JHY: variants seen among roughly 807,000 people sequenced by gnomAD.
JHY encodes the protein junctional cadherin complex regulator, also known as jhy protein homolog.
JHY carries 69 observed loss-of-function variants against 78.0 expected under a neutral mutation model. The ratio of observed to expected loss-of-function variants is 0.88; its 90% CI spans 0.73 to 1.08. The LOEUF is 1.08. JHY is among the 50% of genes least tolerant of loss of function. JHY has a pLI of 0.00. For missense variants in JHY, 944 were observed against 927.8 expected (o/e 1.02, Z -0.23); for synonymous variants, 368 against 342.6 (o/e 1.07, Z -0.82).
chr11:122,919,075 A>G (rs1274082105), intron 3 of JHY, among the ~76,000 whole-genome samples: 1 of 152,108 alleles, frequency 6.6e-6, no homozygotes, highest in East Asian at 1.9e-4. Flanking sequence ...GAAGTGGGCC[A>G]GGCACAGTGG....
chr11:122,897,971 TG>T (rs1479698299), intron 2 of JHY, among the ~76,000 whole-genome samples: 1 of 152,212 alleles, frequency 6.6e-6, no homozygotes, highest in Non-Finnish European at 1.5e-5. Context: ...ACAGTGGAGT[TG>T]GAATGGACTT....
chr11:122,900,025 C>T (rs534236733), intron 2 of JHY, among the ~76,000 whole-genome samples: 2 of 152,180 alleles, frequency 1.3e-5, no homozygotes, highest in African/African-American at 4.8e-5. Context: ...GAAACCTCCC[C>T]GTCAAAGCCC....
intron 2 of JHY, among the ~76,000 whole-genome samples, chr11:122,902,916 C>G (rs7124187): frequency 0.9 from 137,634 of 152,196 alleles, 62,373 homozygotes; most frequent in Middle Eastern, 0.99. Flanking sequence ...CCATATCATA[C>G]AGTAAATACA....
chr11:122,909,812 G>A (rs1863075309), intron 3 of JHY, among the ~76,000 whole-genome samples: 1 of 151,904 alleles, frequency 6.6e-6, no homozygotes, highest in Non-Finnish European at 1.5e-5. Context: ...ATAAATAAAT[G>A]TATAGAGCGT....
chr11:122,957,408 G>A lies in JHY; in HGVS notation c.2056G>A (p.Glu686Lys). The part of the protein sequence containing the change: ...QQKEYAKQVK[E>K]YNMKTLSILS... ...AAAGGAATATGCAAAACAAGTCAAG[G>A]AGTACAACATGAAGACACTATCCAT... The change falls in exon 8 of 9, where the codon GAG becomes AAG. Residue 686 changes from glutamate to lysine, a missense_variant. Physicochemically the swap from Glu to Lys is moderately conservative, Grantham distance 56. Coordinates refer to ENST00000227349, the MANE Select transcript of JHY (RefSeq NM_024806.4). 1 of 1,534,104 alleles carries A rather than the reference G, an allele frequency of 6.5e-7. No individual in the cohort carries two copies. The highest frequency in any genetic ancestry group is 8.7e-7 in the Non-Finnish European group (1 of 1,153,082).
rs1431562423 is a variant in JHY at position 122,883,239 on chromosome 11, C to A, written c.-90+267C>A. Among the ~76,000 whole-genome samples the A allele has an allele frequency of 6.6e-6, 1 of 152,170 alleles. No homozygotes were observed. The highest frequency in any genetic ancestry group is 2.4e-5 in the African/African-American group (1 of 41,458). ...TAGGACCGGTCCCGGGCACCAGGCC[C>A]GCCGACTTGTCACTTCCTGGACCTC... On this transcript the variant is annotated intron_variant, in intron 1 of 8. Coordinates refer to ENST00000227349, the MANE Select transcript of JHY (RefSeq NM_024806.4). The surrounding 1 kb of genome is among the most constrained non-coding windows in gnomAD (Gnocchi z 4.4).
chr11:122,934,755 C>T lies in JHY; in HGVS notation c.1314C>T (p.Thr438=). ...TTAGAAGCCACAATCTCAAAGAAAC[C>T]TCCAATACATTTGCTCCACCAAAAC... ...RALRSHNLKE[T]SNTFAPPKQA... is the part of the protein sequence containing the mutation. The change falls in exon 5 of 9, where the codon ACC becomes ACT. Residue 438 remains threonine (T), a synonymous_variant. Transcript: ENST00000227349. The T allele has an allele frequency of 1.2e-6, 2 of 1,614,186 alleles. No individual in the cohort carries two copies. The highest frequency in any genetic ancestry group is 1.7e-6 in the Non-Finnish European group (2 of 1,180,032).
At chr11:122,949,594 C>T (rs1312602501) in intron 6 of JHY, among the ~76,000 whole-genome samples, 1 of 152,170 alleles carries the variant, frequency 6.6e-6, no homozygotes, top group Non-Finnish European at 1.5e-5. Flanking sequence ...TTGAGCCCCT[C>T]TGTGTACCCC....
At chr11:122,941,865 G>GTTTA (rs970491656) in intron 5 of JHY, among the ~76,000 whole-genome samples, 22 of 151,994 alleles carry the variant, frequency 1.4e-4, no homozygotes, top group East Asian at 9.7e-4. Flanking sequence ...GTTTGTTTTA[G>GTTTA]TTTATTTATT....
At chr11:122,916,621 T>G (rs988426688) in intron 3 of JHY, among the ~76,000 whole-genome samples, 28 of 152,036 alleles carry the variant, frequency 1.8e-4, no homozygotes, top group African/African-American at 1.2e-4. Flanking sequence ...GTTTTTTGTT[T>G]TTTGTTGTTT....
At chr11:122,925,600 G>T (rs566988738) in intron 4 of JHY, among the ~76,000 whole-genome samples, 12 of 152,182 alleles carry the variant, frequency 7.9e-5, no homozygotes, top group Middle Eastern at 3.2e-3. Flanking sequence ...AACAGAAAAA[G>T]GTCAGACACA....
At chr11:122,916,501 C>T (rs1007917647) in intron 3 of JHY, among the ~76,000 whole-genome samples, 2 of 152,126 alleles carry the variant, frequency 1.3e-5, no homozygotes, top group Admixed American at 6.6e-5. Flanking sequence ...GTTTTTCTTG[C>T]ATCAGTTTGA....
chr11:122,924,317 A>G (rs1372447673), intron 3 of JHY, among the ~76,000 whole-genome samples: 1 of 152,010 alleles, frequency 6.6e-6, no homozygotes, highest in African/African-American at 2.4e-5. Flanking sequence ...GAGATAGACC[A>G]CCCAGCTCTA....
chr11:122,931,283 C>A (rs1247659625), intron 4 of JHY, among the ~76,000 whole-genome samples: 3 of 151,882 alleles, frequency 2.0e-5, no homozygotes, highest in Non-Finnish European at 2.9e-5. Flanking sequence ...TCTTTCTTAC[C>A]CCTCTAAAAT....
chr11:122,895,666 T>G (rs1276185514), intron 2 of JHY, among the ~76,000 whole-genome samples: 1 of 152,242 alleles, frequency 6.6e-6, no homozygotes, highest in African/African-American at 2.4e-5. Context: ...CTGCATCTGC[T>G]GTCTGAACAG....
intron 1 of JHY, 96 bp from the exon 2 acceptor site, chr11:122,885,665 A>G (rs1183475894): frequency 1.8e-6 from 1 of 568,236 alleles, no homozygotes; most frequent in Non-Finnish European, 3.1e-6. Flanking sequence ...TGCAGATAAT[A>G]TAACAAGGTT....
Position 122,907,497 on chromosome 11 carries a change from G to C in JHY, c.864+3053G>C, listed in dbSNP as rs116176105. ...TTATATGGGGGGAATGGCATTTCTA[G>C]AGCAGTAGTTTGCTAACCTGGCTAG... On this transcript the variant is annotated intron_variant, in intron 3 of 8. Coordinates refer to ENST00000227349, the MANE Select transcript of JHY (RefSeq NM_024806.4). Among the ~76,000 whole-genome samples the C allele has an allele frequency of 4.5e-3, 692 of 152,174 alleles. 4 individuals carry two copies. Among genetic ancestry groups the C allele is most frequent in the African/African-American group, 0.015 (641 of 41,504 alleles).
chr11:122,959,626 C>CT lies in JHY; in HGVS notation c.*184dup, dbSNP rs1357887665. 1.0e-5 allele frequency: 6 copies of CT among 590,176 alleles called. No homozygotes were observed. The highest frequency in any genetic ancestry group is 1.7e-5 in the Non-Finnish European group (6 of 349,298). 36.6% of individuals were successfully genotyped at this position (590,176 alleles called of 1,614,324 possible). On this transcript the variant is annotated 3_prime_UTR_variant, in exon 9 of 9. Coordinates refer to ENST00000227349, the MANE Select transcript of JHY (RefSeq NM_024806.4). ...AATTGGATTATGGTGCCATATTTTACTTTCTAGGAAGAAAATTTTTTAAAT... is the reference window on the plus strand; with the variant it reads ...AATTGGATTATGGTGCCATATTTTACTTTTCTAGGAAGAAAATTTTTTAAAT...
intron 3 of JHY, among the ~76,000 whole-genome samples, chr11:122,915,035 G>T (rs1380124758): frequency 1.3e-5 from 2 of 151,870 alleles, no homozygotes; most frequent in Non-Finnish European, 2.9e-5. Flanking sequence ...CATTATTGAA[G>T]AGGGATCCAT....
Sources: allele counts gnomAD v4.1 joint callset (sites outside exome capture counted in the v4.1 genomes callset), GRCh38; gene constraint gnomAD v4.1.1; non-coding constraint Gnocchi (gnomAD v3.1); transcripts MANE v1.5; gene names NCBI Gene and HGNC (gene_info 2026-07-23, HGNC 2026-07-21).